Variants in RGMA observed in about 807,000 individuals in gnomAD.
RGMA encodes repulsive guidance molecule A.
In RGMA, 10 loss-of-function variants were observed where a neutral mutation model predicts 23.2. The ratio of observed to expected loss-of-function variants is 0.43; its 90% CI spans 0.27 to 0.73. RGMA has a LOEUF of 0.73. RGMA is among the 30% of genes least tolerant of loss of function. The pLI, the probability that RGMA is intolerant of heterozygous loss-of-function variation, is 0.20. For synonymous variants in RGMA, 308 were observed against 279.3 expected (o/e 1.10, Z -1.03); for missense variants, 547 against 630.5 (o/e 0.87, Z 1.42).
intron 1 of RGMA, among the ~76,000 whole-genome samples, chr15:93,076,584 C>T (rs765648037): frequency 6.6e-6 from 1 of 152,110 alleles, no homozygotes; most frequent in Non-Finnish European, 1.5e-5. Flanking sequence ...GAGTGAATGA[C>T]CTTTACCAAA....
At chr15:93,051,881 G>T in intron 3 of RGMA, 112 bp downstream of exon 3, 1 of 1,161,150 alleles carries the variant, frequency 8.6e-7, no homozygotes. Context: ...TCCCCGCTCC[G>T]CTCCGTCTTC....
At chr15:93,051,840 C>G (rs963443258) in intron 3 of RGMA, 153 bp downstream of exon 3, 2 of 788,068 alleles carry the variant, frequency 2.5e-6, no homozygotes, top group Non-Finnish European at 2.0e-6. Flanking sequence ...AGACCCACCC[C>G]CTTGGGATGC....
chr15:93,046,364 C>T (rs1168376701), intron 3 of RGMA, among the ~76,000 whole-genome samples: 1 of 152,214 alleles, frequency 6.6e-6, no homozygotes, highest in Non-Finnish European at 1.5e-5. Context: ...GGATTCTCCC[C>T]TGGAGTCTCC....
At chr15:93,058,869 G>A (rs548350980) in intron 2 of RGMA, among the ~76,000 whole-genome samples, 5 of 152,308 alleles carry the variant, frequency 3.3e-5, no homozygotes, top group African/African-American at 1.2e-4. Flanking sequence ...TGGGGAAGAG[G>A]CTGTGCACCC....
rs4078927 is a variant in RGMA at position 93,036,266 on chromosome 15, T to C, written c.*8732A>G. ...CCTGAATGTGCCCCCAAATCCAGAC[T>C]ACGACCAGCCACATCGGGGGTGGCC... On this transcript the variant is annotated 3_prime_UTR_variant, in exon 4 of 4. Transcript: ENST00000329082. 135,723 of 152,320 alleles carry C rather than the reference T, an allele frequency of 0.89. 60,666 individuals carry two copies. Among genetic ancestry groups the C allele is most frequent in the East Asian group, 0.98 (5,065 of 5,184 alleles). 9.4% of individuals were successfully genotyped at this position (152,320 alleles called of 1,614,324 possible).
chr15:93,054,156 G>A (rs527772307), intron 2 of RGMA, among the ~76,000 whole-genome samples: 1 of 151,376 alleles, frequency 6.6e-6, no homozygotes, highest in East Asian at 1.9e-4. Context: ...CTTGAACCCG[G>A]GAGGCAGAGG....
Position 93,040,926 on chromosome 15 carries a change from C to G in RGMA, c.*4072G>C, listed in dbSNP as rs78463533. The G allele has an allele frequency of 6.6e-6, 1 of 152,166 alleles. No homozygotes were observed. The highest frequency in any genetic ancestry group is 1.5e-5 in the Non-Finnish European group (1 of 68,040). The allele number at this position is 152,166 out of a possible 1,614,324, so 9.4% of individuals were successfully genotyped here. ...ACTGACCTCGGGAGGTGGAGACTCA[C>G]AAATCCATTTTACAAATAAGGAATC... On this transcript the variant is annotated 3_prime_UTR_variant, in exon 4 of 4. Coordinates refer to ENST00000329082, the MANE Select transcript of RGMA (RefSeq NM_020211.3).
chr15:93,066,241 G>A (rs779834329), intron 2 of RGMA: 1 of 1,328,666 alleles, frequency 7.5e-7, no homozygotes, highest in African/African-American at 1.4e-5. Context: ...AAACTTCCTG[G>A]GCTTCTTTTA....
chr15:93,076,522 T>C (rs1350849206), intron 1 of RGMA, among the ~76,000 whole-genome samples: 4 of 152,308 alleles, frequency 2.6e-5, no homozygotes, highest in African/African-American at 9.6e-5. Flanking sequence ...TATTTCTGAA[T>C]TGCTGGTAGA....
chr15:93,039,966 T>C lies in RGMA; in HGVS notation c.*5032A>G, dbSNP rs2054705286. Reference sequence around the variant, plus strand: ...GCTCACACCTGTTATCCCAGCACTTTGGGAGGCTGAAACAGACGTCTCGCT... The same window carrying C: ...GCTCACACCTGTTATCCCAGCACTTCGGGAGGCTGAAACAGACGTCTCGCT... On this transcript the variant is annotated 3_prime_UTR_variant, in exon 4 of 4. Transcript: ENST00000329082. 1 of 152,248 alleles carries C rather than the reference T, an allele frequency of 6.6e-6. No homozygotes were observed. Among genetic ancestry groups the C allele is most frequent in the African/African-American group, 2.4e-5 (1 of 41,434 alleles). 9.4% of individuals were successfully genotyped at this position (152,248 alleles called of 1,614,324 possible). A position where few individuals can be genotyped will look rare whatever the true frequency, so the allele number is the denominator to read the frequency against.
At chr15:93,074,082 T>C in intron 1 of RGMA, 2 of 1,169,854 alleles carry the variant, frequency 1.7e-6, no homozygotes, top group Non-Finnish European at 2.2e-6. Context: ...CGTTGTGATA[T>C]TTAAGGGACT....
At chr15:93,056,922 G>C (rs892921924) in intron 2 of RGMA, among the ~76,000 whole-genome samples, 1 of 152,198 alleles carries the variant, frequency 6.6e-6, no homozygotes, top group East Asian at 1.9e-4. Context: ...TACAATGCTT[G>C]CAGCCCCGGG....
rs1232366443 is a variant in RGMA, at chr15:93,045,142, C to G, written c.1209G>C (p.Met403Ile). Residue 403 changes from methionine (M) to isoleucine (I), a missense_variant, in exon 4 of 4, where the codon ATG becomes ATC. By Grantham distance (10) the Met-to-Ile change is conservative. Around this residue, in one of 3 missense-constraint regions of RGMA, gnomAD observed 205 missense variants for 204.1 expected, o/e 1.00. Coordinates refer to ENST00000329082, the MANE Select transcript of RGMA (RefSeq NM_020211.3). The surrounding 1 kb of genome is among the most constrained non-coding windows in gnomAD (Gnocchi z 6.9). ...AAYYALEDVK[M>I]LHSNKDKLHL... ...GCAGTTTGTCTTTGTTGGAGTGGAG[C>G]ATCTTGACATCCTCCAACGCGTAGT... 8 of 1,601,324 alleles carry G rather than the reference C, an allele frequency of 5.0e-6. No individual in the cohort carries two copies. Among genetic ancestry groups the G allele is most frequent in the Non-Finnish European group, 6.0e-6 (7 of 1,174,002 alleles).
In RGMA at chr15:93,038,569, G is replaced by GTTGTTTT. The variant is rs1471553159; in HGVS notation, c.*6428_*6429insAAAACAA. The GTTGTTTT allele has an allele frequency of 1.0e-5, 1 of 100,224 alleles. No homozygotes were observed. The highest frequency in any genetic ancestry group is 3.2e-5 in the African/African-American group (1 of 30,862). The allele number at this position is 100,224 out of a possible 1,614,324, so 6.2% of individuals were successfully genotyped here. ...GCCTTAATGAACGAAACTGTTAGTT[G>GTTGTTTT]TTTTTTTTTTTTTTTTGAGACGGTG... On this transcript the variant is annotated 3_prime_UTR_variant, in exon 4 of 4. Transcript: ENST00000329082.
chr15:93,052,196 C>G lies in RGMA; in HGVS notation c.442G>C (p.Glu148Gln). ...GCCGAGTGCTTGTGAAAGCTCTTCT[C>G]GTAATGGCAGATCTCGGGGCTGTCC... ...RSDSPEICHY[E>Q]KSFHKHSATP... Residue 148 changes from glutamate to glutamine, a missense_variant, in exon 3 of 4, where the codon GAG becomes CAG. Glu to Gln is a conservative substitution (Grantham distance 29). Around this residue, in one of 3 missense-constraint regions of RGMA, gnomAD observed 214 missense variants for 234.7 expected, o/e 0.91. Coordinates refer to ENST00000329082, the MANE Select transcript of RGMA (RefSeq NM_020211.3). 3 of 1,611,106 alleles carry G rather than the reference C, an allele frequency of 1.9e-6. No homozygotes were observed. Among genetic ancestry groups the G allele is most frequent in the Non-Finnish European group, 2.5e-6 (3 of 1,177,686 alleles).
rs780511517 is a variant in RGMA at position 93,045,448 on chromosome 15, G to A, written c.903C>T (p.Val301=). The A allele has an allele frequency of 6.2e-7, 1 of 1,613,182 alleles. No individual in the cohort carries two copies. Among genetic ancestry groups the A allele is most frequent in the South Asian group, 1.1e-5 (1 of 91,070 alleles). ...TFAVRMPEEV[V]NAVEDWDSQG... ...GGCTGTCCCAGTCCTCCACAGCATT[G>A]ACCACTTCCTCTGGCATGCGGACGG... Residue 301 remains valine, a synonymous_variant, in exon 4 of 4, where the codon GTC becomes GTT. Transcript: ENST00000329082. The surrounding 1 kb of genome is among the most constrained non-coding windows in gnomAD (Gnocchi z 6.9).
chr15:93,079,028 A>G (rs1463479097), intron 1 of RGMA, among the ~76,000 whole-genome samples: 1 of 152,224 alleles, frequency 6.6e-6, no homozygotes, highest in African/African-American at 2.4e-5. Flanking sequence ...TCCTGCAGTT[A>G]ATCACCATTT....
intron 2 of RGMA, among the ~76,000 whole-genome samples, chr15:93,068,121 G>C (rs1221825318): frequency 6.6e-6 from 1 of 152,228 alleles, no homozygotes; most frequent in Non-Finnish European, 1.5e-5. Flanking sequence ...GCCAGGGACT[G>C]AGGATAGTTC....
At position 93,045,710 on chromosome 15, in the gene RGMA, CG is replaced by C; in HGVS notation, c.646-6del. 1 of 1,598,074 alleles carries C rather than the reference CG, an allele frequency of 6.3e-7. No homozygotes were observed. Among genetic ancestry groups the C allele is most frequent in the Non-Finnish European group, 8.5e-7 (1 of 1,177,344 alleles). On this transcript the variant is annotated splice_polypyrimidine_tract_variant and splice_region_variant and intron_variant, in intron 3 of 3. Transcript: ENST00000329082. This position sits in a 1 kb window ranked among gnomAD's most constrained non-coding sequence, Gnocchi z 6.9. Reference sequence around the variant, plus strand: ...GTTCTTGAAGATGATGGTGAGCTGCCGGGGAAAGGGGCAGAGGAGAGTGGGT... The same window carrying C: ...GTTCTTGAAGATGATGGTGAGCTGCCGGGAAAGGGGCAGAGGAGAGTGGGT...
Sources: allele counts gnomAD v4.1 joint callset (sites outside exome capture counted in the v4.1 genomes callset), GRCh38; gene constraint gnomAD v4.1.1; regional missense constraint gnomAD v4.1.1; non-coding constraint Gnocchi (gnomAD v3.1); transcripts MANE v1.5; gene names NCBI Gene and HGNC (gene_info 2026-07-23, HGNC 2026-07-21).